The following ANKFN1 variants were observed in gnomAD, a reference collection of about 807,000 sequenced individuals.
ANKFN1 encodes ankyrin repeat and fibronectin type-III domain-containing protein 1.
ANKFN1 carries 74 observed loss-of-function variants against 108.7 expected under a neutral mutation model. The observed-to-expected ratio is 0.68, with a 90% CI of 0.56 to 0.83. The LOEUF (loss-of-function observed/expected upper bound fraction) is 0.83. Among genes scored for constraint, ANKFN1 ranks in the 40% least tolerant of loss-of-function variants. The pLI is 0.00. For missense variants in ANKFN1, 1,505 were observed against 1,382.3 expected, an observed-to-expected ratio of 1.09 and a Z score of -1.41; for synonymous variants, 547 against 516.2, an observed-to-expected ratio of 1.06 and a Z score of -0.81.
At chr17:56,282,590 A>G (rs2044112343) in intron 3 of ANKFN1, among the ~76,000 whole-genome samples, 1 of 152,220 alleles carries the variant, frequency 6.6e-6, no homozygotes, top group Non-Finnish European at 1.5e-5. Context: ...ATAGTGAACT[A>G]ATGCTAAACA....
intron 4 of ANKFN1, among the ~76,000 whole-genome samples, chr17:56,084,034 C>T (rs1026271952): frequency 2.0e-5 from 3 of 151,286 alleles, no homozygotes; most frequent in Admixed American, 1.3e-4. Flanking sequence ...AGGGAAGGAT[C>T]ATCAAACTCC....
rs1291668960 is a variant in ANKFN1 at position 56,228,097 on chromosome 17, C to T, written c.53+140C>T. ...CACACAGCCAATCTAACATTTCATA[C>T]TATTGATTTGTATAACATCATGGAA... is the stretch of plus-strand genomic sequence containing the variant. On this transcript the variant is annotated intron_variant, in intron 3 of 20. Coordinates refer to ENST00000682825, the MANE Select transcript of ANKFN1 (RefSeq NM_001370326.1). 12 of 676,486 alleles carry T rather than the reference C, an allele frequency of 1.8e-5. No homozygotes were observed. The Admixed American group carries it at 3.9e-4, about 22-fold the overall frequency. 41.9% of individuals were successfully genotyped at this position (676,486 alleles called of 1,614,324 possible).
intron 8 of ANKFN1, among the ~76,000 whole-genome samples, chr17:56,399,433 T>C (rs2047683788): frequency 6.6e-6 from 1 of 152,102 alleles, no homozygotes; most frequent in Non-Finnish European, 1.5e-5. Flanking sequence ...AGGCTCATTT[T>C]TTTTTTTAAT....
chr17:56,187,340 C>T (rs965341490), intron 1 of ANKFN1, among the ~76,000 whole-genome samples: 2 of 152,206 alleles, frequency 1.3e-5, no homozygotes, highest in Non-Finnish European at 2.9e-5. Context: ...AAAAAATGCT[C>T]ATCATCACTG....
At chr17:56,423,239 G>C (rs2048464327) in intron 8 of ANKFN1, among the ~76,000 whole-genome samples, 1 of 152,194 alleles carries the variant, frequency 6.6e-6, no homozygotes, top group East Asian at 1.9e-4. Flanking sequence ...AAGTGGGCTG[G>C]AGCCACGCAC....
chr17:56,368,173 C>T, intron 6 of ANKFN1: 2 of 1,349,794 alleles, frequency 1.5e-6, no homozygotes, highest in South Asian at 3.1e-5. Flanking sequence ...AGAGAATGAA[C>T]CTTTTGATGA....
At chr17:56,428,372 TTTA>T (rs869050390) in intron 8 of ANKFN1, among the ~76,000 whole-genome samples, 4 of 25,000 alleles carry the variant, frequency 1.6e-4, no homozygotes, top group Admixed American at 9.3e-4. Context: ...TGTTTCAGGA[TTTA>T]TTTTTTTTAC....
chr17:56,262,968 C>T (rs960287971), intron 3 of ANKFN1, among the ~76,000 whole-genome samples: 1 of 152,170 alleles, frequency 6.6e-6, no homozygotes, highest in African/African-American at 2.4e-5. Flanking sequence ...GCTCTTGGAA[C>T]TGAATTATGT....
chr17:56,249,975 T>C (rs1353934126), intron 3 of ANKFN1, among the ~76,000 whole-genome samples: 1 of 152,158 alleles, frequency 6.6e-6, no homozygotes, highest in Admixed American at 6.5e-5. Flanking sequence ...TGTGGAATGG[T>C]GTTACTGTAC....
At chr17:56,337,378 A>T (rs2045841159) in intron 4 of ANKFN1, among the ~76,000 whole-genome samples, 1 of 152,042 alleles carries the variant, frequency 6.6e-6, no homozygotes. Context: ...GTCTCTAAGG[A>T]CTTGTTTTAT....
Position 56,191,443 on chromosome 17 carries a change from T to A in ANKFN1, c.-70-21155T>A, listed in dbSNP as rs1483554603. 3.4e-5 allele frequency among the ~76,000 whole-genome samples: 2 copies of A among 58,812 alleles called. 1 individual carries two copies. The highest frequency in any genetic ancestry group is 5.4e-5 in the Non-Finnish European group (2 of 37,050). 38.6% of individuals were successfully genotyped at this position (58,812 alleles called of 152,430 possible). ...AAATCGGTCAGCATTTGCTTGTCTG[T>A]AAAGTATTTTATTTCTCCTTCACTT... On this transcript the variant is annotated intron_variant, in intron 1 of 20. Coordinates refer to ENST00000682825, the MANE Select transcript of ANKFN1 (RefSeq NM_001370326.1).
chr17:56,467,144 C>A (rs181976238), intron 15 of ANKFN1, among the ~76,000 whole-genome samples: 2 of 151,628 alleles, frequency 1.3e-5, no homozygotes, highest in Admixed American at 1.3e-4. Context: ...ACATTGAGAC[C>A]AATAATTGAG....
At chr17:56,130,458 A>G (rs892219201) in intron 4 of ANKFN1, among the ~76,000 whole-genome samples, 5 of 152,156 alleles carry the variant, frequency 3.3e-5, no homozygotes, top group Non-Finnish European at 5.9e-5. Flanking sequence ...GCAAAGTGCA[A>G]TATCTCAAGT....
At chr17:56,084,889 C>T (rs1471074943) in intron 4 of ANKFN1, among the ~76,000 whole-genome samples, 1 of 150,822 alleles carries the variant, frequency 6.6e-6, no homozygotes, top group Non-Finnish European at 1.5e-5. Flanking sequence ...CTCAGTTATT[C>T]TTACTTGTAA....
intron 4 of ANKFN1, among the ~76,000 whole-genome samples, chr17:56,341,495 T>C (rs2045957766): frequency 6.6e-6 from 1 of 152,148 alleles, no homozygotes; most frequent in African/African-American, 2.4e-5. Context: ...ACCTAGTTTA[T>C]TGAGAGTTGT....
chr17:56,237,969 T>C (rs1917283211), intron 3 of ANKFN1, among the ~76,000 whole-genome samples: 1 of 152,162 alleles, frequency 6.6e-6, no homozygotes, highest in Non-Finnish European at 1.5e-5. Context: ...GATTCTGGTA[T>C]GTTTTATCAT....
chr17:56,363,116 C>T (rs9902038), intron 6 of ANKFN1, among the ~76,000 whole-genome samples: 9,071 of 151,856 alleles, frequency 0.06, 844 homozygotes, highest in African/African-American at 0.2. Flanking sequence ...CCCAGCTACT[C>T]GGGAGGCTGA....
chr17:56,333,596 T>A (rs1457967608), intron 4 of ANKFN1, among the ~76,000 whole-genome samples: 1 of 152,078 alleles, frequency 6.6e-6, no homozygotes, highest in Non-Finnish European at 1.5e-5. Context: ...TTGTTGAAAT[T>A]TTTTGCCTCC....
intron 8 of ANKFN1, among the ~76,000 whole-genome samples, chr17:56,397,141 A>C (rs1173624453): frequency 3.9e-5 from 6 of 152,148 alleles, no homozygotes; most frequent in Non-Finnish European, 8.8e-5. Flanking sequence ...AAGTAGCTTA[A>C]ATTTTAACAA....
Sources: allele counts gnomAD v4.1 joint callset (sites outside exome capture counted in the v4.1 genomes callset), GRCh38; gene constraint gnomAD v4.1.1; transcripts MANE v1.5; gene names NCBI Gene and HGNC (gene_info 2026-07-23, HGNC 2026-07-21).